Variants in TMEM163 observed in about 807,000 individuals in gnomAD.
TMEM163 encodes the protein transmembrane protein 163.
In TMEM163, 17 loss-of-function variants were observed where a neutral mutation model predicts 29.3. That is an observed-to-expected ratio of 0.58 (90% CI 0.40 to 0.87). The LOEUF is 0.87. Among genes scored for constraint, TMEM163 ranks in the 40% least tolerant of loss-of-function variants. The pLI is 0.00. For missense variants in TMEM163, 303 were observed against 381.5 expected, an observed-to-expected ratio of 0.79 and a Z score of 1.71; for synonymous variants, 157 against 160.6, an observed-to-expected ratio of 0.98 and a Z score of 0.17.
chr2:134,650,992 C>T (rs1307178401), intron 2 of TMEM163, among the ~76,000 whole-genome samples: 60 of 103,442 alleles, frequency 5.8e-4, no homozygotes, highest in Non-Finnish European at 8.0e-4. Flanking sequence ...TGAATAATGC[C>T]GCAATAAACA....
At chr2:134,552,655 C>A (rs1334559834) in intron 2 of TMEM163, among the ~76,000 whole-genome samples, 3 of 143,840 alleles carry the variant, frequency 2.1e-5, no homozygotes, top group Non-Finnish European at 4.5e-5. Context: ...ATATTTTGAT[C>A]CTTTTTTTTT....
intron 2 of TMEM163, among the ~76,000 whole-genome samples, chr2:134,580,729 T>G (rs1681673119): frequency 6.6e-6 from 1 of 152,248 alleles, no homozygotes; most frequent in Middle Eastern, 3.4e-3. Flanking sequence ...CTGGCCAACG[T>G]GGTGAAACCC....
In TMEM163 at chr2:134,473,744, C is replaced by G. The variant is rs550062474; in HGVS notation, c.556-7519G>C. 2.0e-5 allele frequency among the ~76,000 whole-genome samples: 3 copies of G among 152,194 alleles called. No individual in the cohort carries two copies. In the East Asian group the frequency reaches 5.8e-4, roughly 29 times the overall value. On this transcript the variant is annotated intron_variant, in intron 5 of 7. Transcript: ENST00000281924. ...CCAACAGGATCTATTAAGAAGATAA[C>G]AAGGAGATATAACCAACTTGATGCC...
intron 2 of TMEM163, among the ~76,000 whole-genome samples, chr2:134,631,324 C>A (rs542808402): frequency 1.3e-5 from 2 of 152,314 alleles, no homozygotes; most frequent in South Asian, 2.1e-4. Context: ...CTCAATCTCA[C>A]ACTAATGACT....
At chr2:134,694,672 T>C (rs1385380249) in intron 2 of TMEM163, among the ~76,000 whole-genome samples, 1 of 152,230 alleles carries the variant, frequency 6.6e-6, no homozygotes, top group Non-Finnish European at 1.5e-5. Flanking sequence ...TCAGTTCTGA[T>C]ACCATATCTC....
At chr2:134,463,565 AC>A (rs1686598369) in intron 6 of TMEM163, among the ~76,000 whole-genome samples, 1 of 152,002 alleles carries the variant, frequency 6.6e-6, no homozygotes, top group Non-Finnish European at 1.5e-5. Flanking sequence ...GGTGACGGAG[AC>A]CCCAGAAGCC....
At chr2:134,591,956 G>A (rs1267861083) in intron 2 of TMEM163, among the ~76,000 whole-genome samples, 6 of 151,630 alleles carry the variant, frequency 4.0e-5, no homozygotes, top group African/African-American at 1.5e-4. Flanking sequence ...GATTTACTCT[G>A]AGCTACTATG....
At position 134,644,444 on chromosome 2, in the gene TMEM163, G is replaced by A. The variant is rs538051381; in HGVS notation, c.322+68756C>T. Among the ~76,000 whole-genome samples the A allele has an allele frequency of 4.6e-5, 7 of 152,188 alleles. No individual in the cohort carries two copies. The East Asian group carries it at 9.6e-4, about 21-fold the overall frequency. On this transcript the variant is annotated intron_variant, in intron 2 of 7. Transcript: ENST00000281924. ...CTCAGAACAGAGTCCAAAAACACCC[G>A]CAGAAATATGGCCATATGATTCCTT...
chr2:134,670,418 G>A (rs186257234), intron 2 of TMEM163, among the ~76,000 whole-genome samples: 144 of 152,294 alleles, frequency 9.5e-4, no homozygotes, highest in African/African-American at 3.0e-3. Context: ...CCCCACGTGG[G>A]GGAACACTGG....
At chr2:134,470,426 T>C (rs1025038438) in intron 5 of TMEM163, among the ~76,000 whole-genome samples, 3 of 151,710 alleles carry the variant, frequency 2.0e-5, no homozygotes, top group African/African-American at 7.3e-5. Flanking sequence ...GAGTGAATGC[T>C]ATATTAGTAT....
chr2:134,544,169 C>T (rs1212280666), intron 4 of TMEM163, among the ~76,000 whole-genome samples: 1 of 152,112 alleles, frequency 6.6e-6, no homozygotes, highest in Non-Finnish European at 1.5e-5. Context: ...CCATGGCCCT[C>T]GCAGCTGATG....
At chr2:134,592,819 T>A (rs1681967304) in intron 2 of TMEM163, among the ~76,000 whole-genome samples, 2 of 150,976 alleles carry the variant, frequency 1.3e-5, no homozygotes, top group Admixed American at 1.3e-4. Context: ...AGACTATCTC[T>A]CCCTGTATGC....
intron 2 of TMEM163, among the ~76,000 whole-genome samples, chr2:134,630,250 A>G (rs986014021): frequency 6.6e-6 from 1 of 151,974 alleles, no homozygotes; most frequent in African/African-American, 2.4e-5. Context: ...CCAACGAGAC[A>G]ACACATGATA....
chr2:134,655,870 G>A (rs1285693534), intron 2 of TMEM163, among the ~76,000 whole-genome samples: 1 of 141,582 alleles, frequency 7.1e-6, no homozygotes, highest in Non-Finnish European at 1.5e-5. Flanking sequence ...GGGGGTCAGG[G>A]GTCAGGGACC....
In TMEM163 at chr2:134,501,832, T is replaced by C. The variant is rs1679703138; in HGVS notation, c.555+1069A>G. 5.9e-5 allele frequency among the ~76,000 whole-genome samples: 9 copies of C among 152,190 alleles called. No homozygotes were observed. In the South Asian group the frequency reaches 1.9e-3, roughly 32 times the overall value. On this transcript the variant is annotated intron_variant, in intron 5 of 7. Coordinates refer to ENST00000281924, the MANE Select transcript of TMEM163 (RefSeq NM_030923.5). ...AAATAGGTACATTCCTATCCCCATA[T>C]CCATTTTTCCTCCCTGTCACTGAGA...
At chr2:134,622,357 CA>C (rs1682758430) in intron 2 of TMEM163, among the ~76,000 whole-genome samples, 1 of 152,194 alleles carries the variant, frequency 6.6e-6, no homozygotes, top group Admixed American at 6.5e-5. Flanking sequence ...GCCTCCACGG[CA>C]GGGGGTCAGT....
rs372947118 is a variant in TMEM163 at position 134,684,847 on chromosome 2, C to T, written c.322+28353G>A. Among the ~76,000 whole-genome samples, 16 of 150,410 alleles carry T rather than the reference C, an allele frequency of 1.1e-4. No homozygotes were observed. In the South Asian group the frequency reaches 1.7e-3, roughly 16 times the overall value. On this transcript the variant is annotated intron_variant, in intron 2 of 7. Coordinates refer to ENST00000281924, the MANE Select transcript of TMEM163 (RefSeq NM_030923.5). ...CTGAGGCACGAGAATTGCTTGAACCCGGGAGGCGGAGGTTGCAGTGAGCCA... is the reference window on the plus strand; with the variant it reads ...CTGAGGCACGAGAATTGCTTGAACCTGGGAGGCGGAGGTTGCAGTGAGCCA...
At chr2:134,666,863 T>C (rs1683883416) in intron 2 of TMEM163, among the ~76,000 whole-genome samples, 1 of 152,182 alleles carries the variant, frequency 6.6e-6, no homozygotes, top group African/African-American at 2.4e-5. Flanking sequence ...TCGATAAATG[T>C]AAACTGTCAC....
chr2:134,636,923 G>T (rs1225738420), intron 2 of TMEM163, among the ~76,000 whole-genome samples: 2 of 152,256 alleles, frequency 1.3e-5, no homozygotes, highest in East Asian at 3.9e-4. Flanking sequence ...AACTCCCTAT[G>T]ATTTCATCTC....
Sources: allele counts gnomAD v4.1 joint callset (sites outside exome capture counted in the v4.1 genomes callset), GRCh38; gene constraint gnomAD v4.1.1; transcripts MANE v1.5; gene names NCBI Gene and HGNC (gene_info 2026-07-23, HGNC 2026-07-21).